Variants in CMAS observed in about 807,000 individuals in gnomAD.
CMAS encodes cytidine monophosphate N-acetylneuraminic acid synthetase.
A neutral mutation model predicts 53.4 loss-of-function variants in CMAS; 21 were observed. The observed-to-expected ratio is 0.39, with a 90% CI of 0.28 to 0.57. The LOEUF (loss-of-function observed/expected upper bound fraction) is 0.57, where lower values mean the gene tolerates loss of function less well. CMAS is among the 20% of genes least tolerant of loss of function. The probability of loss-of-function intolerance (pLI) is 0.56; values close to 1 mark genes in which losing one functional copy is unlikely to be tolerated. For synonymous variants in CMAS, 189 were observed against 195.2 expected (o/e 0.97, Z 0.27); for missense variants, 384 against 534.9 (o/e 0.72, Z 2.78).
Position 22,046,293 on chromosome 12 carries a change from G to A in CMAS, c.-11G>A. The A allele has an allele frequency of 6.9e-7, 1 of 1,449,304 alleles. No homozygotes were observed. Among genetic ancestry groups the A allele is most frequent in the African/African-American group, 1.5e-5 (1 of 67,802 alleles). The allele number at this position is 1,449,304 out of a possible 1,614,324, so 89.8% of individuals were successfully genotyped here. On this transcript the variant is annotated 5_prime_UTR_variant, in exon 1 of 8. It adds an upstream start codon to the 5' untranslated region. Transcript: ENST00000229329. ...GATGTGGAGAAGCTGGGGAGAAGGC[G>A]TGGGAGGAAGATGGACTCGGTGGAG...
At chr12:22,059,298 AT>A (rs1950292550) in intron 4 of CMAS, among the ~76,000 whole-genome samples, 1 of 151,788 alleles carries the variant, frequency 6.6e-6, no homozygotes, top group African/African-American at 2.4e-5. Flanking sequence ...TGCATCATAT[AT>A]TTCTTAACTT....
chr12:22,050,613 T>G (rs1279518505), intron 1 of CMAS, among the ~76,000 whole-genome samples: 1 of 152,196 alleles, frequency 6.6e-6, no homozygotes, highest in African/African-American at 2.4e-5. Context: ...CCAGCAGACT[T>G]TTTCTGTAAA....
chr12:22,048,501 TA>T (rs1950220444), intron 1 of CMAS, among the ~76,000 whole-genome samples: 1 of 152,184 alleles, frequency 6.6e-6, no homozygotes, highest in African/African-American at 2.4e-5. Flanking sequence ...CAGGTTCCCT[TA>T]AAATGGCTTC....
chr12:22,062,319 G>C lies in CMAS; in HGVS notation c.999G>C (p.Thr333=). The C allele has an allele frequency of 6.2e-7, 1 of 1,608,180 alleles. No homozygotes were observed. Among genetic ancestry groups the C allele is most frequent in the Non-Finnish European group, 8.5e-7 (1 of 1,177,822 alleles). The change falls in exon 7 of 8, where the codon ACG becomes ACC. Residue 333 remains threonine (T), a synonymous_variant. Coordinates refer to ENST00000229329, the MANE Select transcript of CMAS (RefSeq NM_018686.6). ...CAGAAAGGGCCTGTTCAAAGCAGAC[G>C]CTGTCTTCTTTAAAACTGGATTGCA... ...LISERACSKQ[T]LSSLKLDCKM...
At chr12:22,048,838 T>A (rs1044083745) in intron 1 of CMAS, among the ~76,000 whole-genome samples, 3 of 152,164 alleles carry the variant, frequency 2.0e-5, no homozygotes, top group African/African-American at 7.2e-5. Flanking sequence ...TAGAAGATTG[T>A]TTCTCTTCCA....
At chr12:22,046,623 C>T in intron 1 of CMAS, 60 bp downstream of exon 1, 7 of 1,445,264 alleles carry the variant, frequency 4.8e-6, no homozygotes, top group Middle Eastern at 2.3e-4. Context: ...GGGAGTCGGG[C>T]TGCTGGAGGG....
intron 7 of CMAS, among the ~76,000 whole-genome samples, chr12:22,063,157 T>TCAA (rs1265121147): frequency 1.3e-5 from 2 of 152,210 alleles, no homozygotes; most frequent in African/African-American, 4.8e-5. Flanking sequence ...TCTGATGATG[T>TCAA]CAACATTTTA....
chr12:22,056,699 A>AG (rs1950270503), intron 3 of CMAS, among the ~76,000 whole-genome samples: 1 of 152,154 alleles, frequency 6.6e-6, no homozygotes, highest in African/African-American at 2.4e-5. Flanking sequence ...GGGAAGCATT[A>AG]GGTGGGGAAA....
In CMAS at chr12:22,046,298, A is replaced by C. The variant is rs1466428292; in HGVS notation, c.-6A>C. 1.4e-5 allele frequency: 21 copies of C among 1,455,204 alleles called. No individual in the cohort carries two copies. The highest frequency in any genetic ancestry group is 2.9e-5 in the African/African-American group (2 of 67,828). The allele number at this position is 1,455,204 out of a possible 1,614,324, so 90.1% of individuals were successfully genotyped here. A position where few individuals can be genotyped will look rare whatever the true frequency, so the allele number is the denominator to read the frequency against. On this transcript the variant is annotated 5_prime_UTR_variant, in exon 1 of 8. Coordinates refer to ENST00000229329, the MANE Select transcript of CMAS (RefSeq NM_018686.6). ...GGAGAAGCTGGGGAGAAGGCGTGGG[A>C]GGAAGATGGACTCGGTGGAGAAGGG... is the stretch of plus-strand genomic sequence containing the variant.
chr12:22,059,763 GA>G (rs1291574651), intron 4 of CMAS, among the ~76,000 whole-genome samples: 1 of 151,846 alleles, frequency 6.6e-6, no homozygotes, highest in African/African-American at 2.4e-5. Context: ...TTTTTCTAAG[GA>G]GGACCATGAT....
At chr12:22,047,278 A>G (rs1187768261) in intron 1 of CMAS, among the ~76,000 whole-genome samples, 3 of 152,172 alleles carry the variant, frequency 2.0e-5, no homozygotes, top group African/African-American at 7.2e-5. Flanking sequence ...TAATTTAGAT[A>G]CATTGCCAAA....
At chr12:22,050,954 C>T (rs979425830) in intron 1 of CMAS, among the ~76,000 whole-genome samples, 3 of 151,762 alleles carry the variant, frequency 2.0e-5, no homozygotes, top group African/African-American at 7.3e-5. Flanking sequence ...TTTGGAGCAC[C>T]CTTCCTGCCT....
chr12:22,050,369 G>A (rs1047573555), intron 1 of CMAS, among the ~76,000 whole-genome samples: 4 of 152,190 alleles, frequency 2.6e-5, no homozygotes, highest in Non-Finnish European at 5.9e-5. Context: ...GTGAGATAAT[G>A]TACGTGCAGC....
chr12:22,062,484 T>C lies in CMAS; in HGVS notation c.1114+50T>C, dbSNP rs143495682. On this transcript the variant is annotated intron_variant, in intron 7 of 7. Coordinates refer to ENST00000229329, the MANE Select transcript of CMAS (RefSeq NM_018686.6). ...AGTAAAATGGACCAGGAATTAATTA[T>C]TTACTTATTTTTAAAGAAATGACAA... The C allele has an allele frequency of 4.1e-6, 6 of 1,452,342 alleles. No homozygotes were observed. The South Asian group carries it at 5.1e-5, about 12-fold the overall frequency. The allele number at this position is 1,452,342 out of a possible 1,614,324, so 90.0% of individuals were successfully genotyped here.
intron 1 of CMAS, among the ~76,000 whole-genome samples, chr12:22,047,068 G>A (rs1447909832): frequency 1.6e-4 from 25 of 152,158 alleles, no homozygotes; most frequent in Admixed American, 1.4e-3. Flanking sequence ...TCAGCTTGGA[G>A]ATCTTTTCCT....
intron 5 of CMAS, 127 bp from the exon 6 acceptor site, chr12:22,061,154 A>G (rs1950306400): frequency 5.4e-6 from 4 of 745,938 alleles, no homozygotes; most frequent in South Asian, 3.3e-5. Context: ...ATATATGTGA[A>G]GTAAATTTGG....
intron 6 of CMAS, among the ~76,000 whole-genome samples, chr12:22,061,842 C>T (rs116912185): frequency 3.3e-5 from 5 of 152,092 alleles, no homozygotes; most frequent in East Asian, 1.9e-4. Flanking sequence ...AATAACTTAA[C>T]GTTTAAGTGT....
chr12:22,055,806 T>A (rs1319442073), intron 3 of CMAS, among the ~76,000 whole-genome samples, 196 bp downstream of exon 3: 1 of 152,226 alleles, frequency 6.6e-6, no homozygotes, highest in Non-Finnish European at 1.5e-5. Flanking sequence ...CCAAATTAAT[T>A]CTTTGCTTTA....
At chr12:22,051,589 T>C (rs1456910204) in intron 1 of CMAS, among the ~76,000 whole-genome samples, 1 of 152,204 alleles carries the variant, frequency 6.6e-6, no homozygotes, top group Non-Finnish European at 1.5e-5. Context: ...TCATTTTCTC[T>C]TTTGCATAGC....
Sources: gnomAD v4.1 joint callset for allele counts (sites outside exome capture counted in the v4.1 genomes callset) on GRCh38, gnomAD v4.1.1 for gene constraint, MANE v1.5 for transcripts, NCBI Gene and HGNC (gene_info 2026-07-23, HGNC 2026-07-21) for gene names.